The following ADAMTSL1 variants were observed in gnomAD, a reference collection of about 807,000 sequenced individuals.
ADAMTSL1 encodes the protein ADAMTS-like protein 1.
Under a neutral mutation model 201.8 loss-of-function variants are expected in ADAMTSL1, and 126 were observed. The ratio of observed to expected loss-of-function variants is 0.62; its 90% CI spans 0.54 to 0.72. The LOEUF is 0.72. Ranked by LOEUF, ADAMTSL1 falls within the 30% of genes least tolerant of loss-of-function variation. The pLI, the probability that ADAMTSL1 is intolerant of heterozygous loss-of-function variation, is 0.00. For missense variants in ADAMTSL1, 2,679 were observed against 2,277.8 expected, an observed-to-expected ratio of 1.18 and a Z score of -3.59; for synonymous variants, 1,121 against 903.4, an observed-to-expected ratio of 1.24 and a Z score of -4.32.
chr9:18,617,092 C>G (rs1825740945), intron 4 of ADAMTSL1, among the ~76,000 whole-genome samples: 1 of 152,166 alleles, frequency 6.6e-6, no homozygotes, highest in Admixed American at 6.5e-5. Context: ...AAGTTTCTTA[C>G]CTCATGATGT....
intron 3 of ADAMTSL1, among the ~76,000 whole-genome samples, chr9:18,572,294 TTTTTG>T: frequency 6.6e-6 from 1 of 152,288 alleles, no homozygotes; most frequent in Middle Eastern, 3.4e-3. Context: ...TTGTAGGTAG[TTTTTG>T]TTTTATTTTA....
chr9:18,603,925 T>C (rs1248949342), intron 4 of ADAMTSL1, among the ~76,000 whole-genome samples: 1 of 152,188 alleles, frequency 6.6e-6, no homozygotes, highest in Non-Finnish European at 1.5e-5. Flanking sequence ...ACAAAAGATC[T>C]CTCAGCAAGG....
chr9:18,385,349 G>T (rs1295022737), intron 2 of ADAMTSL1, among the ~76,000 whole-genome samples: 2 of 152,020 alleles, frequency 1.3e-5, no homozygotes, highest in African/African-American at 2.4e-5. Context: ...ATCCTTTGAG[G>T]GTAGGGGTGG....
At chr9:18,901,847 C>T (rs1416428039) in intron 26 of ADAMTSL1, among the ~76,000 whole-genome samples, 1 of 152,090 alleles carries the variant, frequency 6.6e-6, no homozygotes, top group Non-Finnish European at 1.5e-5. Flanking sequence ...CCCCCAAAGG[C>T]ATAGATTGGC....
intron 15 of ADAMTSL1, among the ~76,000 whole-genome samples, chr9:18,722,163 G>A (rs1026499850): frequency 4.3e-4 from 66 of 152,168 alleles, no homozygotes; most frequent in Admixed American, 3.9e-4. Flanking sequence ...TTCCACATGC[G>A]TAAAATCAAT....
At chr9:18,200,930 T>C (rs1829419124) in intron 2 of ADAMTSL1, among the ~76,000 whole-genome samples, 1 of 152,006 alleles carries the variant, frequency 6.6e-6, no homozygotes, top group Admixed American at 6.6e-5. Context: ...CTCAGACTCA[T>C]GTAGCTTGCA....
chr9:18,622,675 C>T, intron 5 of ADAMTSL1: 1 of 523,032 alleles, frequency 1.9e-6, no homozygotes, highest in Middle Eastern at 4.9e-4. Flanking sequence ...GACTGTATCC[C>T]AGCTCCTGCG....
intron 1 of ADAMTSL1, among the ~76,000 whole-genome samples, chr9:18,126,734 G>A (rs563785265): frequency 6.6e-6 from 1 of 151,938 alleles, no homozygotes; most frequent in Non-Finnish European, 1.5e-5. Flanking sequence ...TCATGACTTG[G>A]GTAAATCTAG....
intron 2 of ADAMTSL1, among the ~76,000 whole-genome samples, chr9:18,263,597 G>C (rs1832006071): frequency 6.6e-6 from 1 of 152,170 alleles, no homozygotes; most frequent in Non-Finnish European, 1.5e-5. Context: ...AGCTACTATT[G>C]TGGACTGAAA....
At chr9:18,821,622 G>A (rs1387638940) in intron 21 of ADAMTSL1, among the ~76,000 whole-genome samples, 2 of 152,170 alleles carry the variant, frequency 1.3e-5, no homozygotes, top group East Asian at 1.9e-4. Flanking sequence ...TCAGTATGGA[G>A]AAACGTGGAA....
At chr9:18,354,323 T>G (rs1467329849) in intron 2 of ADAMTSL1, among the ~76,000 whole-genome samples, 3 of 152,130 alleles carry the variant, frequency 2.0e-5, no homozygotes, top group African/African-American at 7.2e-5. Flanking sequence ...CATCTTTATC[T>G]CTATCCCTGG....
intron 2 of ADAMTSL1, among the ~76,000 whole-genome samples, chr9:18,218,640 A>T (rs957695369): frequency 9.2e-5 from 14 of 152,036 alleles, no homozygotes; most frequent in Non-Finnish European, 5.9e-5. Flanking sequence ...TTATTGATTT[A>T]TATGCATTCT....
intron 2 of ADAMTSL1, among the ~76,000 whole-genome samples, chr9:18,366,071 A>G (rs1228087677): frequency 6.6e-6 from 1 of 152,134 alleles, no homozygotes; most frequent in African/African-American, 2.4e-5. Flanking sequence ...TTTTGAGTGT[A>G]ATCTCCCTTT....
Position 18,829,989 on chromosome 9 carries a change from C to T in ADAMTSL1, c.4249+12C>T, listed in dbSNP as rs759520986. The T allele has an allele frequency of 3.8e-6, 6 of 1,599,338 alleles. 1 individual carries two copies. In the South Asian group the frequency reaches 6.8e-5, roughly 18 times the overall value. On this transcript the variant is annotated intron_variant, in intron 23 of 28. Coordinates refer to ENST00000380548, the MANE Select transcript of ADAMTSL1 (RefSeq NM_001040272.6). ...TTCTGCTCTCCTTGGTGAGTCTAACCCTCGGAAACATTGGGCAGAAAGCCA... is the reference window on the plus strand; with the variant it reads ...TTCTGCTCTCCTTGGTGAGTCTAACTCTCGGAAACATTGGGCAGAAAGCCA...
rs540360231 is a variant in ADAMTSL1 at position 18,755,042 on chromosome 9, G to A, written c.2217+1534G>A. ...AAATTTAGGGTTGGCTATCAACTCC[G>A]TCTTATGTGACCCTTTCCACTATAC... On this transcript the variant is annotated intron_variant, in intron 16 of 28. Transcript: ENST00000380548. Among the ~76,000 whole-genome samples, 183 of 152,278 alleles carry A rather than the reference G, an allele frequency of 1.2e-3. 1 individual carries two copies. The highest frequency in any genetic ancestry group is 4.0e-3 in the African/African-American group (165 of 41,568).
chr9:18,898,189 A>C (rs538642963), intron 26 of ADAMTSL1, among the ~76,000 whole-genome samples: 3 of 152,288 alleles, frequency 2.0e-5, no homozygotes, highest in Admixed American at 2.0e-4. Context: ...ACTCCGTCTC[A>C]AAAAAAGAAG....
intron 3 of ADAMTSL1, among the ~76,000 whole-genome samples, chr9:18,570,588 AT>A (rs35366579): frequency 0.35 from 52,836 of 152,044 alleles, 9,416 homozygotes; most frequent in Admixed American, 0.4. Flanking sequence ...TCAAAATGTT[AT>A]TTTTGTAAAA....
At chr9:18,597,728 T>A (rs1824361451) in intron 4 of ADAMTSL1, among the ~76,000 whole-genome samples, 2 of 152,206 alleles carry the variant, frequency 1.3e-5, no homozygotes, top group African/African-American at 4.8e-5. Flanking sequence ...AGGGATGATT[T>A]TTTTTAATGT....
At chr9:18,799,521 T>C (rs778970481) in intron 20 of ADAMTSL1, among the ~76,000 whole-genome samples, 4 of 152,202 alleles carry the variant, frequency 2.6e-5, no homozygotes, top group African/African-American at 4.8e-5. Context: ...TATGGAGCAT[T>C]GGTGAGGTCA....
Sources: gnomAD v4.1 joint callset for allele counts (sites outside exome capture counted in the v4.1 genomes callset) on GRCh38, gnomAD v4.1.1 for gene constraint, MANE v1.5 for transcripts, NCBI Gene and HGNC (gene_info 2026-07-23, HGNC 2026-07-21) for gene names.